ANKAR: variants seen among roughly 807,000 people sequenced by gnomAD.
ANKAR encodes the protein ankyrin and armadillo repeat-containing protein.
A neutral mutation model predicts 146.2 loss-of-function variants in ANKAR; 136 were observed. The observed-to-expected ratio is 0.93, with a 90% confidence interval of 0.81 to 1.07. The LOEUF is 1.07. Ranked by LOEUF, ANKAR falls within the 50% of genes least tolerant of loss-of-function variation. ANKAR has a pLI of 0.00. For missense variants in ANKAR, 1,567 were observed against 1,679.9 expected (o/e 0.93, Z 1.18); for synonymous variants, 500 against 575.8 (o/e 0.87, Z 1.88).
chr2:189,697,899 C>T (rs534124058), intron 7 of ANKAR, among the ~76,000 whole-genome samples: 2 of 3,682 alleles, frequency 5.4e-4, no homozygotes, highest in African/African-American at 5.8e-4. Flanking sequence ...AATGCGTTGT[C>T]AGGTTGCATA....
At position 189,746,560 on chromosome 2, in the gene ANKAR, G is replaced by A. The variant is rs1336238891; in HGVS notation, c.4238G>A (p.Arg1413Lys). The A allele has an allele frequency of 6.2e-7, 1 of 1,613,664 alleles. No individual in the cohort carries two copies. The highest frequency in any genetic ancestry group is 2.2e-5 in the East Asian group (1 of 44,830). The stretch of plus-strand genomic sequence containing the variant: ...GATATCACAAATGTATCAAGACCAA[G>A]AATAGTGTGTTTGAACCAACTTGGG... ...TSDITNVSRP[R>K]IVCLNQLGKH... Residue 1413 changes from arginine (R) to lysine (K), a missense_variant, in exon 23 of 23, where the codon AGA becomes AAA. By Grantham distance (26) the Arg-to-Lys change is conservative. Transcript: ENST00000684021.
At chr2:189,691,112 G>T (rs146988412) in intron 3 of ANKAR, among the ~76,000 whole-genome samples, 5 of 152,194 alleles carry the variant, frequency 3.3e-5, no homozygotes, top group African/African-American at 9.7e-5. Flanking sequence ...CTGGAGTGCA[G>T]TGGCACGATC....
intron 7 of ANKAR, among the ~76,000 whole-genome samples, chr2:189,704,047 C>A (rs928074109): frequency 2.6e-5 from 4 of 151,980 alleles, no homozygotes; most frequent in African/African-American, 4.8e-5. Context: ...GTATGAATTG[C>A]TATTATGCTT....
chr2:189,706,913 A>C (rs368200029), intron 8 of ANKAR, 25 bp from the exon 9 acceptor site: 19 of 1,576,186 alleles, frequency 1.2e-5, no homozygotes, highest in African/African-American at 2.7e-5. Flanking sequence ...ATGCGTGTTT[A>C]ATTGTTATGT....
At chr2:189,717,044 A>T (rs6434367) in intron 10 of ANKAR, among the ~76,000 whole-genome samples, 148,982 of 151,828 alleles carry the variant, frequency 0.98, 73,154 homozygotes, top group South Asian at 1. Context: ...GGACTTCATG[A>T]CTAAAACACC....
intron 2 of ANKAR, among the ~76,000 whole-genome samples, chr2:189,679,003 A>T (rs2034212464): frequency 6.6e-6 from 1 of 152,142 alleles, no homozygotes; most frequent in African/African-American, 2.4e-5. Context: ...GAATCTGTAG[A>T]TTGCTTTTGG....
chr2:189,727,652 A>T (rs573862812), intron 12 of ANKAR, among the ~76,000 whole-genome samples: 1 of 152,272 alleles, frequency 6.6e-6, no homozygotes, highest in South Asian at 2.1e-4. Flanking sequence ...TATCTTCATA[A>T]GAAATAGTAC....
rs189478716 is a variant in ANKAR at position 189,700,065 on chromosome 2, C to A, written c.1708+3696C>A. Among the ~76,000 whole-genome samples the A allele has an allele frequency of 3.7e-4, 55 of 150,660 alleles. 1 individual carries two copies. Among genetic ancestry groups the A allele is most frequent in the African/African-American group, 1.1e-3 (46 of 41,032 alleles). On this transcript the variant is annotated intron_variant, in intron 7 of 22. Coordinates refer to ENST00000684021, the MANE Select transcript of ANKAR (RefSeq NM_001378068.1). ...TTTTTTTTTTTTATTCTCTGATGCT[C>A]GTCCTTCCTTTATGTTATGTAAGTT...
At chr2:189,737,389 A>G (rs1000501457) in intron 17 of ANKAR, among the ~76,000 whole-genome samples, 2 of 99,592 alleles carry the variant, frequency 2.0e-5, no homozygotes, top group Admixed American at 1.2e-4. Context: ...AAAATATAGT[A>G]CAATGGAATT....
chr2:189,708,771 T>C (rs571682265), intron 9 of ANKAR, among the ~76,000 whole-genome samples: 1 of 152,184 alleles, frequency 6.6e-6, no homozygotes, highest in South Asian at 2.1e-4. Context: ...ATATACAGGG[T>C]TCAGTACTAT....
rs1394461391 is a variant in ANKAR at position 189,730,601 on chromosome 2, G to A, written c.3300G>A (p.Lys1100=). ...GAAATCACCCTTCTCCTAACATTAA[G>A]GTATAAAGGTTTACATTGTTTTCTG... ...LLRNHPSPNI[K]VEVAFSLACI... Residue 1100 remains lysine (K), a splice_region_variant and synonymous_variant, in exon 16 of 23, where the codon AAG becomes AAA. Transcript: ENST00000684021. 2 of 1,509,064 alleles carry A rather than the reference G, an allele frequency of 1.3e-6. No individual in the cohort carries two copies. Among genetic ancestry groups the A allele is most frequent in the Admixed American group, 2.0e-5 (1 of 50,516 alleles). The allele number at this position is 1,509,064 out of a possible 1,614,324, so 93.5% of individuals were successfully genotyped here.
intron 18 of ANKAR, 79 bp from the exon 19 acceptor site, chr2:189,738,486 C>A (rs1184874745): frequency 4.7e-5 from 35 of 752,048 alleles, no homozygotes; most frequent in East Asian, 8.5e-5. Context: ...AAAAAAAAAA[C>A]ATAAAAAATG....
chr2:189,750,796 T>A, downstream of ANKAR: 1 of 547,258 alleles, frequency 1.8e-6, no homozygotes, highest in Non-Finnish European at 3.1e-6. Flanking sequence ...CTTAAATACT[T>A]ACAAATATAC....
chr2:189,700,382 G>T (rs1439586874), intron 7 of ANKAR, among the ~76,000 whole-genome samples: 1 of 151,948 alleles, frequency 6.6e-6, no homozygotes, highest in Non-Finnish European at 1.5e-5. Context: ...CTTCTTTTAG[G>T]ATTGTTTTCT....
At chr2:189,723,745 A>G (rs2041564381) in intron 12 of ANKAR, among the ~76,000 whole-genome samples, 1 of 152,150 alleles carries the variant, frequency 6.6e-6, no homozygotes, top group Admixed American at 6.5e-5. Context: ...CATTCTTGTC[A>G]TACTGCTGCT....
intron 15 of ANKAR, 112 bp from the exon 16 acceptor site, chr2:189,730,383 A>G: frequency 2.0e-6 from 1 of 493,898 alleles, no homozygotes; most frequent in Non-Finnish European, 3.5e-6. Context: ...TTTGTAACTT[A>G]CTAACTGTAT....
At chr2:189,713,924 C>A (rs1280948593) in intron 10 of ANKAR, among the ~76,000 whole-genome samples, 2 of 152,076 alleles carry the variant, frequency 1.3e-5, no homozygotes, top group African/African-American at 4.8e-5. Flanking sequence ...GAAGATCTAC[C>A]AAGCAAATGG....
At position 189,719,822 on chromosome 2, in the gene ANKAR, C is replaced by T; in HGVS notation, c.2466+9C>T. 6.5e-7 allele frequency: 1 copy of T among 1,542,466 alleles called. No homozygotes were observed. Among genetic ancestry groups the T allele is most frequent in the Non-Finnish European group, 8.8e-7 (1 of 1,130,572 alleles). On this transcript the variant is annotated intron_variant, in intron 11 of 22. Transcript: ENST00000684021. ...ATGTTATTGCCAAATATGTAAGTTCCTTTCATATACAATTATTTTTGACTG... is the reference window on the plus strand; with the variant it reads ...ATGTTATTGCCAAATATGTAAGTTCTTTTCATATACAATTATTTTTGACTG...
Position 189,696,354 on chromosome 2 carries a change from G to T in ANKAR, c.1693G>T (p.Val565Phe), listed in dbSNP as rs199837087. Residue 565 changes from valine (V) to phenylalanine (F), a missense_variant, in exon 7 of 23, where the codon GTT becomes TTT. By Grantham distance (50) the Val-to-Phe change is conservative. Coordinates refer to ENST00000684021, the MANE Select transcript of ANKAR (RefSeq NM_001378068.1). ...ANFKVNQRRF[V>F]TFSQGPTPLH... ...CTTCAAGGTCAACCAGAGGCGCTTT[G>T]TTACGTTCAGCCAAGGTACCATAAA... 8 of 1,613,310 alleles carry T rather than the reference G, an allele frequency of 5.0e-6. No homozygotes were observed. Among genetic ancestry groups the T allele is most frequent in the Non-Finnish European group, 6.8e-6 (8 of 1,179,790 alleles).
Sources: gnomAD v4.1 joint callset for allele counts (sites outside exome capture counted in the v4.1 genomes callset) on GRCh38, gnomAD v4.1.1 for gene constraint, MANE v1.5 for transcripts, NCBI Gene and HGNC (gene_info 2026-07-23, HGNC 2026-07-21) for gene names.